The following NUP155 variants were observed in gnomAD, a reference collection of about 807,000 sequenced individuals.
The protein encoded by NUP155 is nuclear pore complex protein Nup155.
NUP155 carries 71 observed loss-of-function variants against 180.4 expected under a neutral mutation model. That is an observed-to-expected ratio of 0.39 (90% CI 0.33 to 0.48). The LOEUF (loss-of-function observed/expected upper bound fraction) is 0.48. Ranked by LOEUF, NUP155 falls within the 20% of genes least tolerant of loss-of-function variation. NUP155 has a pLI of 0.91. For synonymous variants in NUP155, 582 were observed against 559.5 expected, an observed-to-expected ratio of 1.04 and a Z score of -0.57; for missense variants, 1,553 against 1,648.9, an observed-to-expected ratio of 0.94 and a Z score of 1.01.
chr5:37,332,098 G>T (rs1745002295), intron 13 of NUP155, among the ~76,000 whole-genome samples: 3 of 146,858 alleles, frequency 2.0e-5, no homozygotes. Context: ...CGGCAAAGCT[G>T]CCCCTTAAAC....
Position 37,350,212 on chromosome 5 carries a change from G to A in NUP155, c.777C>T (p.Ser259=). The A allele has an allele frequency of 6.2e-7, 1 of 1,613,912 alleles. No homozygotes were observed. Among genetic ancestry groups the A allele is most frequent in the South Asian group, 1.1e-5 (1 of 91,076 alleles). The change falls in exon 7 of 35, where the codon AGC becomes AGT. Residue 259 remains serine, a synonymous_variant. Transcript: ENST00000231498. ...AGGAAGGAACAAGGAAAGAAAGTGA[G>A]CTCTTTGAGTGGTTTATTTTCCTAC... ...QRCRKINHSK[S]SLSFLVPSLL...
chr5:37,316,846 G>GCCACTGAACA (rs1363079480), intron 21 of NUP155, among the ~76,000 whole-genome samples: 1 of 139,568 alleles, frequency 7.2e-6, no homozygotes, highest in South Asian at 2.5e-4. Context: ...TATACTGAAT[G>GCCACTGAACA]CCACTGAACT....
At chr5:37,335,685 T>G (rs1336675708) in intron 12 of NUP155, among the ~76,000 whole-genome samples, 1 of 152,228 alleles carries the variant, frequency 6.6e-6, no homozygotes, top group East Asian at 1.9e-4. Flanking sequence ...CGACACGGCT[T>G]ACACCTGTAA....
Position 37,352,733 on chromosome 5 carries a change from A to C in NUP155, c.556+4T>G. 1 of 1,602,206 alleles carries C rather than the reference A, an allele frequency of 6.2e-7. No homozygotes were observed. The highest frequency in any genetic ancestry group is 8.6e-7 in the Non-Finnish European group (1 of 1,169,348). On this transcript the variant is annotated splice_donor_region_variant and intron_variant, in intron 5 of 34. Coordinates refer to ENST00000231498, the MANE Select transcript of NUP155 (RefSeq NM_153485.3). ...AAAAAACGTTAACATGTGGGTTGCCATACCTGTTTGCAAATTAGCATAGCT... is the reference window on the plus strand; with the variant it reads ...AAAAAACGTTAACATGTGGGTTGCCCTACCTGTTTGCAAATTAGCATAGCT...
chr5:37,339,959 G>A (rs1013609267), intron 11 of NUP155, among the ~76,000 whole-genome samples: 5 of 151,974 alleles, frequency 3.3e-5, no homozygotes, highest in Non-Finnish European at 5.9e-5. Context: ...ACAGGGTTTC[G>A]CCATGTTGGC....
chr5:37,292,838 T>C, intron 34 of NUP155, 41 bp downstream of exon 34: 1 of 1,314,406 alleles, frequency 7.6e-7, no homozygotes, highest in Non-Finnish European at 1.1e-6. Context: ...ATTAGAAGCA[T>C]TTAAAAGCTT....
chr5:37,345,626 C>T (rs1746031541), intron 9 of NUP155, among the ~76,000 whole-genome samples: 1 of 151,500 alleles, frequency 6.6e-6, no homozygotes, highest in African/African-American at 2.4e-5. Flanking sequence ...TTAGTTTTGC[C>T]GGGTGCAGTG....
At position 37,365,713 on chromosome 5, in the gene NUP155, GA is replaced by G. The variant is rs869240751; in HGVS notation, c.158-1330del. Among the ~76,000 whole-genome samples, 96 of 22,664 alleles carry G rather than the reference GA, an allele frequency of 4.2e-3. 17 individuals are homozygous for G. The highest frequency in any genetic ancestry group is 9.7e-3 in the Admixed American group (10 of 1,034). The allele number at this position is 22,664 out of a possible 152,430, so 14.9% of individuals were successfully genotyped here. On this transcript the variant is annotated intron_variant, in intron 1 of 34. Coordinates refer to ENST00000231498, the MANE Select transcript of NUP155 (RefSeq NM_153485.3). Reference sequence around the variant, plus strand: ...ACAGAGCAAGACTCTGTCTCGGGGAGAAAAAAAAAAAAAAAAAAAAAAAAAA... The same window carrying G: ...ACAGAGCAAGACTCTGTCTCGGGGAGAAAAAAAAAAAAAAAAAAAAAAAAA...
At chr5:37,330,186 T>C in intron 14 of NUP155, 54 bp from the exon 15 acceptor site, 1 of 1,227,146 alleles carries the variant, frequency 8.1e-7, no homozygotes, top group Non-Finnish European at 1.2e-6. Context: ...TTAAAATGAT[T>C]TGTGTACTGC....
rs757892642 is a variant in NUP155, at chr5:37,358,030, T to C, written c.463+51A>G. ...TGTTGTTGTTCAGGTCTATACCATT[T>C]GGAGTTTACATATACAAACATAATC... is the stretch of plus-strand genomic sequence containing the variant. On this transcript the variant is annotated intron_variant, in intron 4 of 34. Coordinates refer to ENST00000231498, the MANE Select transcript of NUP155 (RefSeq NM_153485.3). 5.6e-6 allele frequency: 7 copies of C among 1,240,378 alleles called. No individual in the cohort carries two copies. The South Asian group carries it at 7.2e-5, about 13-fold the overall frequency. 76.8% of individuals were successfully genotyped at this position (1,240,378 alleles called of 1,614,324 possible).
At chr5:37,366,685 G>A (rs1412828863) in intron 1 of NUP155, among the ~76,000 whole-genome samples, 2 of 149,386 alleles carry the variant, frequency 1.3e-5, no homozygotes, top group Non-Finnish European at 3.0e-5. Flanking sequence ...TTTTTGAGAC[G>A]GAGTCTCACA....
chr5:37,307,106 G>A (rs569034125), intron 25 of NUP155, among the ~76,000 whole-genome samples, 191 bp downstream of exon 25: 6 of 149,974 alleles, frequency 4.0e-5, no homozygotes, highest in East Asian at 2.0e-4. Flanking sequence ...GCTGAGGCAC[G>A]AGAATAGCTT....
chr5:37,361,265 C>CAAAAAAA lies in NUP155; in HGVS notation c.392+2616_392+2622dup, dbSNP rs35489900. On this transcript the variant is annotated intron_variant, in intron 3 of 34. Transcript: ENST00000231498. ...TGGGCGACAGAGCGAGACTCTGTCT[C>CAAAAAAA]AAAAAAAAAAAAAAAAAAAAGACAA... 4.0e-3 allele frequency among the ~76,000 whole-genome samples: 313 copies of CAAAAAAA among 77,950 alleles called. 12 individuals carry two copies. The highest frequency in any genetic ancestry group is 0.017 in the African/African-American group (291 of 16,776). 51.1% of individuals were successfully genotyped at this position (77,950 alleles called of 152,430 possible).
chr5:37,293,183 C>T, intron 33 of NUP155, 198 bp from the exon 34 acceptor site: 2 of 533,600 alleles, frequency 3.7e-6, no homozygotes, highest in Admixed American at 3.3e-5. Flanking sequence ...TAATTAACAA[C>T]ACTATGATAT....
At chr5:37,309,417 G>A in intron 23 of NUP155, 150 bp from the exon 24 acceptor site, 1 of 694,324 alleles carries the variant, frequency 1.4e-6, no homozygotes, top group Non-Finnish European at 2.4e-6. Context: ...TTAATTTTAG[G>A]CAGAAAAGTT....
At chr5:37,317,531 G>GTA (rs762967086) in intron 21 of NUP155, among the ~76,000 whole-genome samples, 5 of 151,688 alleles carry the variant, frequency 3.3e-5, no homozygotes, top group Middle Eastern at 3.2e-3. Context: ...AAATTTTATG[G>GTA]TATATATATA....
At chr5:37,321,726 A>G (rs1460184755) in intron 20 of NUP155, among the ~76,000 whole-genome samples, 1 of 152,142 alleles carries the variant, frequency 6.6e-6, no homozygotes, top group Non-Finnish European at 1.5e-5. Context: ...CGGCAGGGGC[A>G]GGGGAATATA....
intron 20 of NUP155, among the ~76,000 whole-genome samples, chr5:37,319,827 T>C (rs1293218974): frequency 1.3e-5 from 2 of 151,974 alleles, no homozygotes; most frequent in Admixed American, 6.5e-5. Context: ...GCCGTGATCA[T>C]GCCACTGCAC....
chr5:37,316,733 G>T (rs527565385), intron 21 of NUP155, among the ~76,000 whole-genome samples: 1 of 152,090 alleles, frequency 6.6e-6, no homozygotes, highest in African/African-American at 2.4e-5. Context: ...CCAAAGTGCT[G>T]GGATTACAGG....
Sources: allele counts gnomAD v4.1 joint callset (sites outside exome capture counted in the v4.1 genomes callset), GRCh38; gene constraint gnomAD v4.1.1; transcripts MANE v1.5; gene names NCBI Gene and HGNC (gene_info 2026-07-23, HGNC 2026-07-21).